Variants in SLC11A2 observed in about 807,000 individuals in gnomAD.
SLC11A2 encodes solute carrier family 11 member 2.
A neutral mutation model predicts 68.0 loss-of-function variants in SLC11A2; 38 were observed. The ratio of observed to expected loss-of-function variants is 0.56; its 90% CI spans 0.43 to 0.73. The LOEUF is 0.73. SLC11A2 is among the 30% of genes least tolerant of loss of function. The pLI is 0.00. For missense variants in SLC11A2, 517 were observed against 690.5 expected (o/e 0.75, Z 2.82); for synonymous variants, 242 against 250.6 (o/e 0.97, Z 0.32).
intron 9 of SLC11A2, among the ~76,000 whole-genome samples, chr12:50,996,461 G>A (rs992638603): frequency 6.6e-6 from 1 of 151,960 alleles, no homozygotes; most frequent in Admixed American, 6.6e-5. Context: ...TATAATCCCA[G>A]GTACTCAAGA....
intron 13 of SLC11A2, 34 bp from the exon 14 acceptor site, chr12:50,991,706 T>G (rs1941170603): frequency 6.5e-7 from 1 of 1,533,760 alleles, no homozygotes; most frequent in African/African-American, 1.4e-5. Flanking sequence ...GGGATTACTA[T>G]GGGTCCTTGT....
At chr12:50,998,733 T>A (rs189231900) in intron 8 of SLC11A2, among the ~76,000 whole-genome samples, 99 of 152,336 alleles carry the variant, frequency 6.5e-4, no homozygotes, top group Non-Finnish European at 4.1e-4. Context: ...CCAGGAAATA[T>A]CCAGTATATT....
upstream of SLC11A2, chr12:51,028,458 A>C (rs1944470306): frequency 4.6e-6 from 2 of 435,364 alleles, no homozygotes; most frequent in Non-Finnish European, 8.1e-6. Context: ...CCTAGATATT[A>C]ATTAACAATT....
upstream of SLC11A2, chr12:51,028,204 T>C: frequency 6.5e-7 from 1 of 1,535,714 alleles, no homozygotes; most frequent in South Asian, 1.2e-5. Context: ...GCTGCCTCCG[T>C]CTTCAGCTGC....
chr12:50,957,331 T>G, the SLC11A2 span, among the ~76,000 whole-genome samples: 2 of 151,742 alleles, frequency 1.3e-5, no homozygotes, highest in South Asian at 4.2e-4. Flanking sequence ...GTGCTTCAGC[T>G]TCCTGAGTAA....
At chr12:51,014,723 G>C (rs1441999199) in intron 1 of SLC11A2, among the ~76,000 whole-genome samples, 2 of 151,374 alleles carry the variant, frequency 1.3e-5, no homozygotes, top group Admixed American at 6.6e-5. Context: ...CGTGGTGGTA[G>C]GTGCCTGTAA....
chr12:50,988,153 G>GA lies in SLC11A2; in HGVS notation c.*171dup. ...CCAGTTCTAAGGTTAGGTCAGGAAG[G>GA]AAAAAATAATTCCATCTTTCAAATA... is the stretch of plus-strand genomic sequence containing the variant. On this transcript the variant is annotated 3_prime_UTR_variant, in exon 16 of 16. Transcript: ENST00000262052. 3.3e-6 allele frequency: 5 copies of GA among 1,519,502 alleles called. No homozygotes were observed. The highest frequency in any genetic ancestry group is 4.4e-6 in the Non-Finnish European group (5 of 1,135,508). 94.1% of individuals were successfully genotyped at this position (1,519,502 alleles called of 1,614,324 possible).
intron 11 of SLC11A2, chr12:50,993,191 TAA>T (rs10529796): frequency 0.045 from 9,502 of 211,496 alleles, 23 homozygotes; most frequent in South Asian, 0.076. Context: ...TCTTAAATAT[TAA>T]AAAAAAAAAA....
At chr12:50,965,412 C>T in the SLC11A2 span, among the ~76,000 whole-genome samples, 39 of 152,116 alleles carry the variant, frequency 2.6e-4, no homozygotes, top group African/African-American at 9.2e-4. Flanking sequence ...TGTCAGCCAC[C>T]GTGCCCAGCC....
chr12:50,999,478 T>C, intron 6 of SLC11A2, 63 bp from the exon 7 acceptor site: 1 of 1,321,996 alleles, frequency 7.6e-7, no homozygotes, highest in Non-Finnish European at 1.1e-6. Context: ...TGAAAAACAC[T>C]CTCTTCCCAA....
At chr12:50,997,986 C>CA (rs35033972) in intron 8 of SLC11A2, among the ~76,000 whole-genome samples, 7 of 136,748 alleles carry the variant, frequency 5.1e-5, no homozygotes, top group African/African-American at 1.9e-4. Context: ...GACTCCATCT[C>CA]AAAAAAAAAA....
chr12:50,953,311 G>A, the SLC11A2 span, among the ~76,000 whole-genome samples: 9 of 152,236 alleles, frequency 5.9e-5, no homozygotes, highest in Non-Finnish European at 1.5e-5. Flanking sequence ...TTCATAGGAT[G>A]AAGCCGCTGT....
At chr12:50,998,983 T>C (rs1941972272) in intron 8 of SLC11A2, among the ~76,000 whole-genome samples, 191 bp downstream of exon 8, 1 of 152,108 alleles carries the variant, frequency 6.6e-6, no homozygotes, top group Non-Finnish European at 1.5e-5. Context: ...CCTGCAGGCC[T>C]TTCTGCATGC....
rs780035273 is a variant in SLC11A2 at position 51,005,471 on chromosome 12, T to C, written c.184-35A>G. 8 of 1,611,486 alleles carry C rather than the reference T, an allele frequency of 5.0e-6. No homozygotes were observed. In the Admixed American group the frequency reaches 1.2e-4, roughly 24 times the overall value. On this transcript the variant is annotated intron_variant, in intron 3 of 15. Coordinates refer to ENST00000262052, the MANE Select transcript of SLC11A2 (RefSeq NM_000617.3). ...AGAGGAAAAGAGATTAAACTGAACA[T>C]CACCATTGAACTACTGATATAATTG...
intron 11 of SLC11A2, chr12:50,993,191 T>TAAAA (rs10529796): frequency 1.9e-5 from 4 of 214,048 alleles, no homozygotes; most frequent in African/African-American, 5.3e-5. Context: ...TCTTAAATAT[T>TAAAA]AAAAAAAAAA....
chr12:50,960,407 G>C, the SLC11A2 span, among the ~76,000 whole-genome samples: 1,242 of 152,302 alleles, frequency 8.2e-3, 17 homozygotes, highest in African/African-American at 0.028. Context: ...AGCATGCACA[G>C]TTTGAAATCA....
upstream of SLC11A2, chr12:51,028,518 C>G: frequency 3.1e-6 from 1 of 326,310 alleles, no homozygotes; most frequent in South Asian, 9.1e-5. Context: ...TACCATTTGG[C>G]AGGAGCAAGA....
chr12:50,981,791 A>C (rs1354664246), downstream of SLC11A2: 2 of 1,528,082 alleles, frequency 1.3e-6, no homozygotes, highest in Admixed American at 4.0e-5. Flanking sequence ...TGAGCTGTCA[A>C]TCCCAGATGG....
chr12:50,953,548 G>T, the SLC11A2 span, among the ~76,000 whole-genome samples: 1 of 152,204 alleles, frequency 6.6e-6, no homozygotes. Flanking sequence ...GAGTTGAAGT[G>T]ATCATTCTCC....
Sources: gnomAD v4.1 joint callset for allele counts (sites outside exome capture counted in the v4.1 genomes callset) on GRCh38, gnomAD v4.1.1 for gene constraint, MANE v1.5 for transcripts, NCBI Gene and HGNC (gene_info 2026-07-23, HGNC 2026-07-21) for gene names.